The following PAXBP1 variants were observed in gnomAD, a reference collection of about 807,000 sequenced individuals.
PAXBP1 encodes the protein PAX3- and PAX7-binding protein 1.
A neutral mutation model predicts 119.9 loss-of-function variants in PAXBP1; 44 were observed. The ratio of observed to expected loss-of-function variants is 0.37; its 90% CI spans 0.29 to 0.47. The LOEUF is 0.47. Among genes scored for constraint, PAXBP1 ranks in the 20% least tolerant of loss-of-function variants. The pLI is 0.99. For synonymous variants in PAXBP1, 393 were observed against 406.6 expected (o/e 0.97, Z 0.40); for missense variants, 898 against 1,134.1 (o/e 0.79, Z 2.99).
At chr21:32,745,200 G>C (rs2043855008) in intron 12 of PAXBP1, among the ~76,000 whole-genome samples, 1 of 152,194 alleles carries the variant, frequency 6.6e-6, no homozygotes, top group South Asian at 2.1e-4. Context: ...AACATTTCTA[G>C]TATTTAAAAT....
chr21:32,771,306 G>T lies in PAXBP1; in HGVS notation c.343+20C>A, dbSNP rs1340294590. On this transcript the variant is annotated intron_variant, in intron 1 of 17. Coordinates refer to ENST00000331923, the MANE Select transcript of PAXBP1 (RefSeq NM_016631.4). ...GTCGGGGATGCGGCCGTCTAAGGGC[G>T]TCCGAAGCGCGCACTTTACCTTCCT... The T allele has an allele frequency of 3.8e-6, 6 of 1,568,422 alleles. No homozygotes were observed. Among genetic ancestry groups the T allele is most frequent in the Admixed American group, 1.7e-5 (1 of 57,752 alleles).
At chr21:32,770,224 G>A (rs1469684754) in intron 1 of PAXBP1, among the ~76,000 whole-genome samples, 1 of 151,890 alleles carries the variant, frequency 6.6e-6, no homozygotes, top group Admixed American at 6.6e-5. Flanking sequence ...TATTTGAGAG[G>A]GGAAAAAATC....
At chr21:32,754,466 C>T (rs2044011105) in intron 8 of PAXBP1, among the ~76,000 whole-genome samples, 2 of 152,068 alleles carry the variant, frequency 1.3e-5, no homozygotes, top group African/African-American at 4.8e-5. Context: ...TTAGCGCACT[C>T]AAGAATATGG....
chr21:32,761,000 C>T (rs568104449), intron 5 of PAXBP1, 59 bp downstream of exon 5: 12 of 1,435,944 alleles, frequency 8.4e-6, no homozygotes, highest in Non-Finnish European at 1.1e-5. Flanking sequence ...TTTACTTTAA[C>T]AAAATAAAAA....
At position 32,748,701 on chromosome 21, in the gene PAXBP1, A is replaced by G. The variant is rs756186010; in HGVS notation, c.1724-3T>C. On this transcript the variant is annotated splice_polypyrimidine_tract_variant and splice_region_variant and intron_variant, in intron 10 of 17. Coordinates refer to ENST00000331923, the MANE Select transcript of PAXBP1 (RefSeq NM_016631.4). Reference sequence around the variant, plus strand: ...GCCGGATTCTTTTGAAATTCGATCTAAAAACAACAAAACCCCACAGAGAAC... The same window carrying G: ...GCCGGATTCTTTTGAAATTCGATCTGAAAACAACAAAACCCCACAGAGAAC... The G allele has an allele frequency of 2.5e-6, 4 of 1,607,110 alleles. No individual in the cohort carries two copies. The South Asian group carries it at 3.3e-5, about 13-fold the overall frequency.
At chr21:32,757,385 C>G (rs1001217074) in intron 7 of PAXBP1, among the ~76,000 whole-genome samples, 9 of 151,986 alleles carry the variant, frequency 5.9e-5, no homozygotes. Flanking sequence ...AAATATAATA[C>G]TCATCTTTAA....
At chr21:32,749,713 T>C (rs2043929765) in intron 10 of PAXBP1, among the ~76,000 whole-genome samples, 1 of 152,258 alleles carries the variant, frequency 6.6e-6, no homozygotes, top group East Asian at 1.9e-4. Flanking sequence ...TTAAATCTAA[T>C]TAAGCCTTCA....
intron 11 of PAXBP1, 50 bp downstream of exon 11, chr21:32,748,449 A>T: frequency 6.5e-7 from 1 of 1,535,666 alleles, no homozygotes; most frequent in Non-Finnish European, 8.8e-7. Context: ...GATTAAAATT[A>T]CCCAGATATC....
In PAXBP1 at chr21:32,761,978, T is replaced by C. The variant is rs78021855; in HGVS notation, c.871+118A>G. The stretch of plus-strand genomic sequence containing the variant: ...TGTTTGAGTCCACGAGTCAAGACAC[T>C]GCAGTGAGCTATGATTGTACCACTG... On this transcript the variant is annotated intron_variant, in intron 4 of 17. Coordinates refer to ENST00000331923, the MANE Select transcript of PAXBP1 (RefSeq NM_016631.4). 7.5e-4 allele frequency: 767 copies of C among 1,022,770 alleles called. 3 individuals carry two copies. In the African/African-American group the frequency reaches 8.4e-3, roughly 11 times the overall value. The allele number at this position is 1,022,770 out of a possible 1,614,324, so 63.4% of individuals were successfully genotyped here.
chr21:32,755,130 A>T lies in PAXBP1; in HGVS notation c.1507+100T>A. The T allele has an allele frequency of 1.5e-5, 11 of 747,608 alleles. No individual in the cohort carries two copies. The East Asian group carries it at 1.6e-4, about 11-fold the overall frequency. 46.3% of individuals were successfully genotyped at this position (747,608 alleles called of 1,614,324 possible). On this transcript the variant is annotated intron_variant, in intron 8 of 17. Coordinates refer to ENST00000331923, the MANE Select transcript of PAXBP1 (RefSeq NM_016631.4). Reference sequence around the variant, plus strand: ...AACAGCAAGGAAATTGTTTCTTTAAAAAAAAAAAAAAAAGCTCCAAGATCT... The same window carrying T: ...AACAGCAAGGAAATTGTTTCTTTAATAAAAAAAAAAAAAGCTCCAAGATCT...
At chr21:32,746,165 T>C (rs2043868605) in intron 11 of PAXBP1, among the ~76,000 whole-genome samples, 1 of 152,286 alleles carries the variant, frequency 6.6e-6, no homozygotes, top group East Asian at 1.9e-4. Flanking sequence ...ATAAAAATCC[T>C]AGAAGAAAAT....
intron 7 of PAXBP1, 125 bp downstream of exon 7, chr21:32,758,955 T>C: frequency 1.1e-6 from 1 of 910,600 alleles, no homozygotes; most frequent in Non-Finnish European, 1.6e-6. Context: ...AAGCATGACT[T>C]TTCATCACTT....
At chr21:32,754,822 C>T (rs1341448284) in intron 8 of PAXBP1, among the ~76,000 whole-genome samples, 2 of 152,224 alleles carry the variant, frequency 1.3e-5, no homozygotes, top group East Asian at 3.9e-4. Flanking sequence ...ATGTCCCAGT[C>T]CCTAAACTCA....
At chr21:32,769,115 A>G (rs941933990) in intron 2 of PAXBP1, among the ~76,000 whole-genome samples, 19 of 152,210 alleles carry the variant, frequency 1.2e-4, no homozygotes, top group African/African-American at 3.9e-4. Flanking sequence ...CTTTTTCACA[A>G]TAAGCCTGTA....
At chr21:32,750,451 G>A (rs2043941739) in intron 10 of PAXBP1, among the ~76,000 whole-genome samples, 1 of 152,220 alleles carries the variant, frequency 6.6e-6, no homozygotes, top group South Asian at 2.1e-4. Flanking sequence ...ATAGCCAATG[G>A]TGGGAAATGA....
chr21:32,745,836 A>G, intron 11 of PAXBP1, 118 bp from the exon 12 acceptor site: 1 of 1,253,890 alleles, frequency 8.0e-7, no homozygotes, highest in Non-Finnish European at 1.1e-6. Flanking sequence ...TAAAAACTGG[A>G]CGGCTGGAGA....
At chr21:32,761,914 T>C (rs2044154594) in intron 4 of PAXBP1, among the ~76,000 whole-genome samples, 182 bp downstream of exon 4, 1 of 152,142 alleles carries the variant, frequency 6.6e-6, no homozygotes, top group South Asian at 2.1e-4. Flanking sequence ...GACGCACACC[T>C]GTAGTCCCAG....
rs542617105 is a variant in PAXBP1 at position 32,745,965 on chromosome 21, C to T, written c.1924-247G>A. Among the ~76,000 whole-genome samples, 8 of 152,228 alleles carry T rather than the reference C, an allele frequency of 5.3e-5. No homozygotes were observed. The East Asian group carries it at 1.4e-3, about 26-fold the overall frequency. ...TAGAGAACTCAGCAATAAGACCGCA[C>T]ACCTACAACCATCTGATCTCCGACA... On this transcript the variant is annotated intron_variant, in intron 11 of 17. Coordinates refer to ENST00000331923, the MANE Select transcript of PAXBP1 (RefSeq NM_016631.4).
At chr21:32,770,911 G>A (rs1192626587) in intron 1 of PAXBP1, among the ~76,000 whole-genome samples, 2 of 152,198 alleles carry the variant, frequency 1.3e-5, no homozygotes, top group Non-Finnish European at 2.9e-5. Context: ...CGGCCTTCAT[G>A]GTCGAGGATG....
Sources: allele counts gnomAD v4.1 joint callset (sites outside exome capture counted in the v4.1 genomes callset), GRCh38; gene constraint gnomAD v4.1.1; transcripts MANE v1.5; gene names NCBI Gene and HGNC (gene_info 2026-07-23, HGNC 2026-07-21).